The following MGAT4C variants were observed in gnomAD, a reference collection of about 807,000 sequenced individuals.
MGAT4C encodes MGAT4 family member C, also known as alpha-1,3-mannosyl-glycoprotein 4-beta-N-acetylglucosaminyltransferase C.
Under a neutral mutation model 40.1 loss-of-function variants are expected in MGAT4C, and 19 were observed. The ratio of observed to expected loss-of-function variants is 0.47; its 90% CI spans 0.33 to 0.70. The LOEUF is 0.70. Among genes scored for constraint, MGAT4C ranks in the 30% least tolerant of loss-of-function variants. The pLI is 0.02. For synonymous variants in MGAT4C, 181 were observed against 187.1 expected, an observed-to-expected ratio of 0.97 and a Z score of 0.27; for missense variants, 491 against 563.2, an observed-to-expected ratio of 0.87 and a Z score of 1.30.
rs978566778 is a variant in MGAT4C, at chr12:85,955,913, A to G, written c.*23376T>C. ...ATAATTTTTGTGTATATACATTTCA[A>G]TCAGTAAATATCAACTACAAGGTTA... On this transcript the variant is annotated 3_prime_UTR_variant, in exon 5 of 5. Coordinates refer to ENST00000611864, the MANE Select transcript of MGAT4C (RefSeq NM_001351288.2). 1 of 152,202 alleles carries G rather than the reference A, an allele frequency of 6.6e-6. No individual in the cohort carries two copies. Among genetic ancestry groups the G allele is most frequent in the Non-Finnish European group, 1.5e-5 (1 of 68,006 alleles). The allele number at this position is 152,202 out of a possible 1,614,324, so 9.4% of individuals were successfully genotyped here.
intron 4 of MGAT4C, among the ~76,000 whole-genome samples, chr12:86,324,425 C>A (rs1954473333): frequency 6.6e-6 from 1 of 151,468 alleles, no homozygotes. Flanking sequence ...TAAATATATT[C>A]TACATTAATT....
chr12:86,000,037 A>C (rs926941715), intron 2 of MGAT4C, among the ~76,000 whole-genome samples: 1 of 152,208 alleles, frequency 6.6e-6, no homozygotes, highest in Non-Finnish European at 1.5e-5. Flanking sequence ...AAAAACTTTA[A>C]AGTGACAGAT....
chr12:86,395,284 T>A (rs1407157934), intron 3 of MGAT4C, among the ~76,000 whole-genome samples: 1 of 152,170 alleles, frequency 6.6e-6, no homozygotes, highest in East Asian at 1.9e-4. Context: ...CTTTGCATTA[T>A]ACAGAGGTTC....
intron 1 of MGAT4C, among the ~76,000 whole-genome samples, chr12:86,230,882 T>TC (rs1951291310): frequency 1.3e-5 from 2 of 151,412 alleles, no homozygotes; most frequent in South Asian, 2.1e-4. Flanking sequence ...TTTTTTTTTT[T>TC]ACTTTTTTCC....
chr12:86,791,857 G>A (rs1289092836), intron 1 of MGAT4C, among the ~76,000 whole-genome samples: 2 of 152,180 alleles, frequency 1.3e-5, no homozygotes, highest in African/African-American at 4.8e-5. Flanking sequence ...AATAGCAAGA[G>A]AAGAACCCAA....
chr12:86,348,810 T>A (rs1376934074), intron 3 of MGAT4C, among the ~76,000 whole-genome samples: 2 of 152,138 alleles, frequency 1.3e-5, no homozygotes, highest in African/African-American at 4.8e-5. Flanking sequence ...TATGAGCCTT[T>A]TATCATTCTT....
intron 1 of MGAT4C, among the ~76,000 whole-genome samples, chr12:86,775,757 G>T (rs1302015898): frequency 1.3e-5 from 2 of 151,548 alleles, no homozygotes; most frequent in African/African-American, 4.8e-5. Context: ...CTTATCATTT[G>T]CTAGACCAAA....
chr12:86,062,709 G>A (rs1460508542), intron 1 of MGAT4C, among the ~76,000 whole-genome samples: 2 of 151,762 alleles, frequency 1.3e-5, no homozygotes, highest in Non-Finnish European at 2.9e-5. Context: ...AACACAGCAC[G>A]AGAACTTCAT....
At chr12:86,097,727 A>G (rs1041324561) in intron 1 of MGAT4C, among the ~76,000 whole-genome samples, 1 of 151,664 alleles carries the variant, frequency 6.6e-6, no homozygotes, top group Non-Finnish European at 1.5e-5. Flanking sequence ...ATTTATAATT[A>G]GCCTATTATT....
chr12:86,366,086 C>T (rs760654971), intron 3 of MGAT4C, among the ~76,000 whole-genome samples: 1 of 151,778 alleles, frequency 6.6e-6, no homozygotes, highest in Non-Finnish European at 1.5e-5. Context: ...TGTACTTGTC[C>T]TTGTAGAGCA....
At chr12:86,170,711 G>T (rs1259654904) in intron 1 of MGAT4C, among the ~76,000 whole-genome samples, 3 of 152,096 alleles carry the variant, frequency 2.0e-5, no homozygotes, top group African/African-American at 7.2e-5. Context: ...CCAGCACTTT[G>T]GGAGGCCGAG....
At chr12:86,149,860 G>A (rs1884054836) in intron 1 of MGAT4C, among the ~76,000 whole-genome samples, 2 of 152,170 alleles carry the variant, frequency 1.3e-5, no homozygotes, top group African/African-American at 4.8e-5. Flanking sequence ...ATAAATTAAA[G>A]AGAGTATTTT....
intron 2 of MGAT4C, chr12:86,011,833 C>T: frequency 1.0e-6 from 1 of 985,094 alleles, no homozygotes; most frequent in Non-Finnish European, 1.2e-6. Flanking sequence ...TAAAGTAAAA[C>T]TTTGGTCTCA....
At position 86,608,242 on chromosome 12, in the gene MGAT4C, A is replaced by G. The variant is rs376907758; in HGVS notation, c.-229+118967T>C. On this transcript the variant is annotated intron_variant, in intron 2 of 7. Transcript: ENST00000548651. ...AGCTCAAAATAGATGTATCACATAA[A>G]GCATAAAAGAATTCTCCACAAAATA... is the stretch of plus-strand genomic sequence containing the variant. Among the ~76,000 whole-genome samples the G allele has an allele frequency of 1.8e-4, 28 of 152,250 alleles. 1 individual carries two copies. The highest frequency in any genetic ancestry group is 6.3e-4 in the African/African-American group (26 of 41,550).
Position 86,663,907 on chromosome 12 carries a change from C to T in MGAT4C, c.-229+63302G>A, listed in dbSNP as rs752811107. Among the ~76,000 whole-genome samples, 3 of 152,180 alleles carry T rather than the reference C, an allele frequency of 2.0e-5. 1 individual carries two copies. In the South Asian group the frequency reaches 6.2e-4, roughly 31 times the overall value. On this transcript the variant is annotated intron_variant, in intron 2 of 7. Coordinates refer to the MGAT4C transcript ENST00000548651. ...AAGAATTCTTGGATTTCTGCCAACA[C>T]TGAAGTTCAAATTATTTGGAGGGGT...
chr12:86,459,693 C>T (rs1440628127), intron 2 of MGAT4C, among the ~76,000 whole-genome samples: 2 of 120,512 alleles, frequency 1.7e-5, no homozygotes. Context: ...CAGCTTTACC[C>T]GCCCCGCCCC....
intron 3 of MGAT4C, among the ~76,000 whole-genome samples, chr12:86,420,852 CAT>C (rs1409203131): frequency 4.9e-5 from 7 of 143,754 alleles, no homozygotes; most frequent in African/African-American, 1.3e-4. Context: ...TATGTATATA[CAT>C]ATATATGTGT....
intron 1 of MGAT4C, among the ~76,000 whole-genome samples, chr12:86,067,086 A>G (rs1422809934): frequency 1.3e-5 from 2 of 152,246 alleles, no homozygotes; most frequent in Non-Finnish European, 2.9e-5. Flanking sequence ...ATGGAGAAAT[A>G]GGAATGCTTC....
At chr12:86,692,409 G>A (rs1950187250) in intron 2 of MGAT4C, among the ~76,000 whole-genome samples, 1 of 152,010 alleles carries the variant, frequency 6.6e-6, no homozygotes, top group Non-Finnish European at 1.5e-5. Flanking sequence ...AAATGTGTAA[G>A]GTGTCTACTC....
Sources: allele counts gnomAD v4.1 joint callset (sites outside exome capture counted in the v4.1 genomes callset), GRCh38; gene constraint gnomAD v4.1.1; transcripts MANE v1.5; gene names NCBI Gene and HGNC (gene_info 2026-07-23, HGNC 2026-07-21).